ACSBG1: variants seen among roughly 807,000 people sequenced by gnomAD.
The protein encoded by ACSBG1 is long-chain-fatty-acid--CoA ligase ACSBG1.
ACSBG1 carries 39 observed loss-of-function variants against 80.2 expected under a neutral mutation model. The observed-to-expected ratio is 0.49, with a 90% CI of 0.38 to 0.64. The LOEUF (loss-of-function observed/expected upper bound fraction) is 0.64. Ranked by LOEUF, ACSBG1 falls within the 30% of genes least tolerant of loss-of-function variation. The pLI is 0.00. For missense variants in ACSBG1, 828 were observed against 966.4 expected (o/e 0.86, Z 1.90); for synonymous variants, 392 against 379.5 (o/e 1.03, Z -0.38).
intron 2 of ACSBG1, 74 bp downstream of exon 2, chr15:78,207,928 A>ACCCCCCCCCCCCCCCCACCCCC: frequency 2.6e-6 from 1 of 383,788 alleles, no homozygotes; most frequent in East Asian, 7.0e-5. Context: ...CCCCCACACC[A>ACCCCCCCCCCCCCCCCACCCCC]CCCACCCCTC....
At chr15:78,199,913 C>T (rs555638018) in intron 2 of ACSBG1, among the ~76,000 whole-genome samples, 3 of 152,222 alleles carry the variant, frequency 2.0e-5, no homozygotes, top group South Asian at 2.1e-4. Flanking sequence ...TGTGTGGCTG[C>T]GTTGTACTCC....
At chr15:78,190,849 G>A (rs372959143) in intron 5 of ACSBG1, among the ~76,000 whole-genome samples, 6 of 151,606 alleles carry the variant, frequency 4.0e-5, no homozygotes, top group Non-Finnish European at 5.9e-5. Flanking sequence ...AAGATCAAAT[G>A]GAAGACCAAA....
chr15:78,174,699 TGGTG>T, intron 11 of ACSBG1, 175 bp from the exon 12 acceptor site: 2 of 685,380 alleles, frequency 2.9e-6, no homozygotes, highest in Non-Finnish European at 4.7e-6. Flanking sequence ...GCTTGGGGGC[TGGTG>T]GCAGCACCCC....
At chr15:78,185,026 G>C (rs562256903) in intron 5 of ACSBG1, among the ~76,000 whole-genome samples, 1 of 147,494 alleles carries the variant, frequency 6.8e-6, no homozygotes, top group African/African-American at 2.5e-5. Flanking sequence ...GAGGGAGAGA[G>C]AGGGAGAGAA....
chr15:78,181,200 T>G, intron 8 of ACSBG1: 1 of 452,074 alleles, frequency 2.2e-6, no homozygotes, highest in South Asian at 5.7e-5. Context: ...TCTCCATGAG[T>G]CTAACTTAGA....
intron 1 of ACSBG1, among the ~76,000 whole-genome samples, chr15:78,212,351 CATT>C (rs1045775652): frequency 3.3e-5 from 5 of 152,118 alleles, no homozygotes; most frequent in African/African-American, 9.7e-5. Context: ...CAGCTCTCAT[CATT>C]ATTACGCATG....
chr15:78,182,731 G>C lies in ACSBG1; in HGVS notation c.718C>G (p.Pro240Ala), dbSNP rs553530270. The C allele has an allele frequency of 2.1e-5, 34 of 1,614,124 alleles. No individual in the cohort carries two copies. The highest frequency in any genetic ancestry group is 2.7e-5 in the Non-Finnish European group (32 of 1,180,052). Reference protein sequence around the residue: ...KAVVIYKEPPPNKMANVYTME... With the variant: ...KAVVIYKEPPANKMANVYTME... ...GTGTACACATTGGCCATCTTGTTTG[G>C]AGGAGGTTCTTTATATATCACGACT... is the stretch of plus-strand genomic sequence containing the variant. The change falls in exon 6 of 14, where the codon CCA becomes GCA. Residue 240 changes from proline to alanine, a missense_variant. Pro to Ala is a conservative substitution (Grantham distance 27). Around this residue, in one of 3 missense-constraint regions of ACSBG1, gnomAD observed 356 missense variants for 363.5 expected, o/e 0.98. Transcript: ENST00000258873.
rs1429150377 is a variant in ACSBG1 at position 78,177,377 on chromosome 15, A to G, written c.1702+1237T>C. Among the ~76,000 whole-genome samples the G allele has an allele frequency of 3.3e-5, 5 of 152,230 alleles. No homozygotes were observed. Among genetic ancestry groups the G allele is most frequent in the African/African-American group, 1.2e-4 (5 of 41,458 alleles). ...AGGACAAAGGTATCACTGCAAGGCC[A>G]TGGGGAAAGGATGCTGTGTCCGTTG... On this transcript the variant is annotated intron_variant, in intron 11 of 13. Coordinates refer to ENST00000258873, the MANE Select transcript of ACSBG1 (RefSeq NM_015162.5). This position sits in a 1 kb window ranked among gnomAD's most constrained non-coding sequence, Gnocchi z 4.1.
chr15:78,179,568 T>A lies in ACSBG1; in HGVS notation c.1466A>T (p.Tyr489Phe). The A allele has an allele frequency of 6.2e-7, 1 of 1,613,462 alleles. No individual in the cohort carries two copies. The highest frequency in any genetic ancestry group is 1.7e-5 in the Admixed American group (1 of 60,016). Residue 489 changes from tyrosine (Y) to phenylalanine (F), a missense_variant, in exon 10 of 14, where the codon TAC becomes TTC. Tyr to Phe is a conservative substitution (Grantham distance 22). Coordinates refer to ENST00000258873, the MANE Select transcript of ACSBG1 (RefSeq NM_015162.5). ...TSGPHFMSSP[Y>F]NYRLYSSGKL... ...GCCTCACCTGTACAGCCGGTAGTTG[T>A]AGGGACTGGACATGAAGTGGGGGCC...
chr15:78,207,979 C>A (rs2075231483), intron 2 of ACSBG1, 23 bp downstream of exon 2: 2 of 1,520,002 alleles, frequency 1.3e-6, no homozygotes, highest in East Asian at 2.3e-5. Flanking sequence ...CCTGCCCCAC[C>A]CTACCACCCC....
At chr15:78,186,256 T>C (rs1347881717) in intron 5 of ACSBG1, among the ~76,000 whole-genome samples, 1 of 152,128 alleles carries the variant, frequency 6.6e-6, no homozygotes, top group Admixed American at 6.5e-5. Flanking sequence ...ATTGTCAACA[T>C]TAGATCAACG....
Position 78,170,359 on chromosome 15 carries a change from G to A in ACSBG1, c.*1085C>T, listed in dbSNP as rs998239897. ...GCAAAATGTACCCAGGTCACAAGGG[G>A]ATTTTTTTTTTTTTAGCAATGATAT... On this transcript the variant is annotated 3_prime_UTR_variant, in exon 14 of 14. Transcript: ENST00000258873. The A allele has an allele frequency of 6.6e-6, 1 of 151,512 alleles. No individual in the cohort carries two copies. Among genetic ancestry groups the A allele is most frequent in the African/African-American group, 2.4e-5 (1 of 41,242 alleles). The allele number at this position is 151,512 out of a possible 1,614,324, so 9.4% of individuals were successfully genotyped here.
At chr15:78,202,491 G>A (rs1015410700) in intron 2 of ACSBG1, among the ~76,000 whole-genome samples, 2 of 152,172 alleles carry the variant, frequency 1.3e-5, no homozygotes, top group Admixed American at 1.3e-4. Flanking sequence ...TTACAGGCGT[G>A]AGCCACCACT....
chr15:78,230,264 CCTGG>C (rs1449753980), intron 1 of ACSBG1, among the ~76,000 whole-genome samples: 3 of 152,224 alleles, frequency 2.0e-5, no homozygotes, highest in Admixed American at 6.5e-5. Flanking sequence ...CTGGCCCTGG[CCTGG>C]CTGTTTCCTC....
chr15:78,169,008 C>G lies in ACSBG1; in HGVS notation c.*2436G>C. 6.3e-7 allele frequency: 1 copy of G among 1,575,060 alleles called. No homozygotes were observed. The highest frequency in any genetic ancestry group is 1.1e-5 in the South Asian group (1 of 89,400). ...GCCGAGTAAAAGATTTAGATTAACA[C>G]TTCTACAACTGGCATTTACATCAGT... On this transcript the variant is annotated 3_prime_UTR_variant, in exon 14 of 14. Coordinates refer to ENST00000258873, the MANE Select transcript of ACSBG1 (RefSeq NM_015162.5).
Position 78,178,794 on chromosome 15 carries a change from C to G in ACSBG1, c.1522G>C (p.Val508Leu). ...CCAATGCCCTCTGCGTCCTGGTTCA[C>G]CAGCTTCACCCGACAGCCGGGCACC... ...KLVPGCRVKLVNQDAEGIGEI... is the reference protein window; with the variant it reads ...KLVPGCRVKLLNQDAEGIGEI... Residue 508 changes from valine (V) to leucine (L), a missense_variant, in exon 11 of 14, where the codon GTG (valine) becomes CTG (leucine). Val to Leu is a conservative substitution (Grantham distance 32, BLOSUM62 1). Coordinates refer to ENST00000258873, the MANE Select transcript of ACSBG1 (RefSeq NM_015162.5). The surrounding 1 kb of genome is among the most constrained non-coding windows in gnomAD (Gnocchi z 4.3). 1 of 1,613,644 alleles carries G rather than the reference C, an allele frequency of 6.2e-7. No individual in the cohort carries two copies. Among genetic ancestry groups the G allele is most frequent in the Non-Finnish European group, 8.5e-7 (1 of 1,180,026 alleles).
intron 1 of ACSBG1, among the ~76,000 whole-genome samples, chr15:78,215,592 G>T (rs1267310251): frequency 2.0e-5 from 3 of 151,922 alleles, no homozygotes; most frequent in Non-Finnish European, 4.4e-5. Flanking sequence ...GGAGGCAGAG[G>T]TTCCAGTGAG....
chr15:78,182,399 G>C (rs2074955463), intron 7 of ACSBG1, 67 bp downstream of exon 7: 2 of 1,583,914 alleles, frequency 1.3e-6, no homozygotes, highest in Non-Finnish European at 1.7e-6. Flanking sequence ...TACTGGGGCA[G>C]AGCCATGGCC....
intron 2 of ACSBG1, among the ~76,000 whole-genome samples, chr15:78,199,703 C>T (rs1313297138): frequency 2.7e-5 from 4 of 149,854 alleles, no homozygotes; most frequent in Non-Finnish European, 5.9e-5. Context: ...TGCTATGTTG[C>T]CCAGGCTGGT....
Sources: allele counts gnomAD v4.1 joint callset (sites outside exome capture counted in the v4.1 genomes callset), GRCh38; gene constraint gnomAD v4.1.1; regional missense constraint gnomAD v4.1.1; non-coding constraint Gnocchi (gnomAD v3.1); transcripts MANE v1.5; gene names NCBI Gene and HGNC (gene_info 2026-07-23, HGNC 2026-07-21).